The following ZNF385D variants were observed in gnomAD, a reference collection of about 807,000 sequenced individuals.
ZNF385D encodes zinc finger protein 659.
A neutral mutation model predicts 35.8 loss-of-function variants in ZNF385D; 15 were observed. The ratio of observed to expected loss-of-function variants is 0.42; its 90% CI spans 0.28 to 0.64. The LOEUF (loss-of-function observed/expected upper bound fraction) is 0.64, where lower values mean the gene tolerates loss of function less well. Ranked by LOEUF, ZNF385D falls within the 30% of genes least tolerant of loss-of-function variation. The pLI, the probability that ZNF385D is intolerant of heterozygous loss-of-function variation, is 0.23. For synonymous variants in ZNF385D, 212 were observed against 186.8 expected (o/e 1.13, Z -1.10); for missense variants, 474 against 494.6 (o/e 0.96, Z 0.39).
intron 3 of ZNF385D, among the ~76,000 whole-genome samples, chr3:22,120,159 GAA>G (rs1703016183): frequency 6.6e-6 from 1 of 151,846 alleles, no homozygotes. Context: ...GGGACTTAAT[GAA>G]GGTAGAGTGC....
chr3:21,725,431 G>A lies in ZNF385D; in HGVS notation c.22+25464C>T, dbSNP rs537208668. Among the ~76,000 whole-genome samples, 8 of 152,088 alleles carry A rather than the reference G, an allele frequency of 5.3e-5. No individual in the cohort carries two copies. The South Asian group carries it at 6.2e-4, about 12-fold the overall frequency. On this transcript the variant is annotated intron_variant, in intron 1 of 7. Coordinates refer to ENST00000281523, the MANE Select transcript of ZNF385D (RefSeq NM_024697.3). ...AAAAGATCAACAAAATAGATAGACC[G>A]CTAGCCAGATTAATAAAGAAGAAGA...
chr3:21,983,149 A>G (rs1453458722), intron 3 of ZNF385D, among the ~76,000 whole-genome samples: 2 of 118,434 alleles, frequency 1.7e-5, no homozygotes, highest in African/African-American at 1.0e-4. Context: ...TTTTTATTTT[A>G]TTTTATTTTA....
intron 3 of ZNF385D, among the ~76,000 whole-genome samples, chr3:21,934,157 T>C (rs930034005): frequency 4.6e-5 from 7 of 152,208 alleles, no homozygotes; most frequent in African/African-American, 1.4e-4. Context: ...ACATTTTCTT[T>C]AGTTCTGAGA....
intron 3 of ZNF385D, among the ~76,000 whole-genome samples, chr3:22,005,508 A>G (rs946554215): frequency 1.3e-5 from 2 of 152,152 alleles, no homozygotes; most frequent in African/African-American, 4.8e-5. Flanking sequence ...AATATTTTCA[A>G]CACAAATAAA....
At chr3:22,320,107 G>A (rs1272696863) in intron 2 of ZNF385D, among the ~76,000 whole-genome samples, 1 of 150,916 alleles carries the variant, frequency 6.6e-6, no homozygotes, top group Non-Finnish European at 1.5e-5. Context: ...GGAATCTGGT[G>A]CTCTATACAT....
chr3:21,651,156 C>T (rs1466091098), intron 2 of ZNF385D, among the ~76,000 whole-genome samples: 16 of 150,402 alleles, frequency 1.1e-4, no homozygotes, highest in East Asian at 3.9e-4. Flanking sequence ...GGTGTGGTGG[C>T]GGGCGCCTGT....
At chr3:22,201,228 ATCCACGT>A (rs1696776919) in intron 2 of ZNF385D, among the ~76,000 whole-genome samples, 1 of 152,154 alleles carries the variant, frequency 6.6e-6, no homozygotes, top group African/African-American at 2.4e-5. Context: ...AATCTTCACA[ATCCACGT>A]TCTTCTGCCG....
chr3:22,123,558 C>G (rs555816479), intron 3 of ZNF385D, among the ~76,000 whole-genome samples: 25 of 152,168 alleles, frequency 1.6e-4, no homozygotes, highest in Non-Finnish European at 1.0e-4. Flanking sequence ...AAATGTACAA[C>G]AAAAAATTAT....
chr3:22,145,112 T>C (rs1425036443), intron 3 of ZNF385D, among the ~76,000 whole-genome samples: 2 of 152,100 alleles, frequency 1.3e-5, no homozygotes, highest in African/African-American at 4.8e-5. Flanking sequence ...CATACACACA[T>C]ACATTTGTAT....
intron 3 of ZNF385D, among the ~76,000 whole-genome samples, chr3:21,841,412 T>C (rs1311149449): frequency 1.3e-5 from 2 of 150,430 alleles, no homozygotes; most frequent in Admixed American, 1.3e-4. Context: ...AGAATTGACA[T>C]TGTTGAATTA....
intron 2 of ZNF385D, among the ~76,000 whole-genome samples, chr3:22,314,217 C>T (rs1435533664): frequency 6.6e-6 from 1 of 152,062 alleles, no homozygotes; most frequent in African/African-American, 2.4e-5. Flanking sequence ...GGTGCACCCA[C>T]CACCCAAGCA....
intron 2 of ZNF385D, among the ~76,000 whole-genome samples, chr3:21,657,301 TAAG>T (rs1214678686): frequency 6.6e-6 from 1 of 151,928 alleles, no homozygotes; most frequent in Non-Finnish European, 1.5e-5. Context: ...AAGGATTAAA[TAAG>T]AAAAATATTC....
intron 2 of ZNF385D, among the ~76,000 whole-genome samples, chr3:22,343,272 A>T (rs1008243940): frequency 7.9e-5 from 12 of 152,222 alleles, no homozygotes; most frequent in African/African-American, 2.9e-4. Context: ...TAAACAAAAC[A>T]AAACAACCCA....
chr3:22,195,568 T>C (rs566092647), intron 2 of ZNF385D, among the ~76,000 whole-genome samples: 2 of 152,040 alleles, frequency 1.3e-5, no homozygotes, highest in African/African-American at 4.8e-5. Flanking sequence ...CATTTTGAAA[T>C]CTGTGGTCCA....
At chr3:21,752,268 A>G (rs1469927763), upstream of ZNF385D, among the ~76,000 whole-genome samples, 1 of 152,168 alleles carries the variant, frequency 6.6e-6, no homozygotes, top group Non-Finnish European at 1.5e-5. Flanking sequence ...GAACCAATTT[A>G]CGTACTGGAA....
intron 3 of ZNF385D, among the ~76,000 whole-genome samples, chr3:21,922,135 A>G (rs1253679224): frequency 6.9e-6 from 1 of 144,250 alleles, no homozygotes; most frequent in Non-Finnish European, 1.5e-5. Context: ...AAGAAATCAT[A>G]GATAACATGA....
chr3:22,031,781 C>G (rs1698018044), intron 3 of ZNF385D, among the ~76,000 whole-genome samples: 1 of 152,216 alleles, frequency 6.6e-6, no homozygotes, highest in Non-Finnish European at 1.5e-5. Context: ...TTTCTCTTTT[C>G]TACCGCATGG....
chr3:21,692,553 C>G (rs57945045), intron 1 of ZNF385D, among the ~76,000 whole-genome samples: 17 of 152,314 alleles, frequency 1.1e-4, no homozygotes, highest in Middle Eastern at 3.4e-3. Context: ...CCTCCTCTTC[C>G]TACTTGACAC....
At chr3:21,827,284 T>G (rs1386180310) in intron 3 of ZNF385D, among the ~76,000 whole-genome samples, 2 of 152,230 alleles carry the variant, frequency 1.3e-5, no homozygotes. Flanking sequence ...TATTGTTTAT[T>G]TTATATTAAT....
Sources: allele counts gnomAD v4.1 joint callset (sites outside exome capture counted in the v4.1 genomes callset), GRCh38; gene constraint gnomAD v4.1.1; transcripts MANE v1.5; gene names NCBI Gene and HGNC (gene_info 2026-07-23, HGNC 2026-07-21).